IKZF2: variants seen among roughly 807,000 people sequenced by gnomAD.
IKZF2 encodes IKAROS family zinc finger 2.
IKZF2 carries 15 observed loss-of-function variants against 49.2 expected under a neutral mutation model. That is an observed-to-expected ratio of 0.30 (90% confidence interval 0.20 to 0.47). IKZF2 has a LOEUF of 0.47. Ranked by LOEUF, IKZF2 falls within the 20% of genes least tolerant of loss-of-function variation. IKZF2 has a pLI of 1.00. For synonymous variants in IKZF2, 227 were observed against 221.4 expected, an observed-to-expected ratio of 1.03 and a Z score of -0.23; for missense variants, 567 against 664.6, an observed-to-expected ratio of 0.85 and a Z score of 1.61.
intron 6 of IKZF2, among the ~76,000 whole-genome samples, chr2:213,040,469 T>C (rs527431046): frequency 6.6e-6 from 1 of 152,182 alleles, no homozygotes; most frequent in South Asian, 2.1e-4. Context: ...ATATTAAAAT[T>C]ATACACTCTT....
chr2:213,033,446 C>A (rs1174996240), intron 6 of IKZF2, among the ~76,000 whole-genome samples: 1 of 152,166 alleles, frequency 6.6e-6, no homozygotes, highest in Non-Finnish European at 1.5e-5. Flanking sequence ...GTCTATGGCA[C>A]CTCTAGCCTT....
At position 213,006,618 on chromosome 2, in the gene IKZF2, AG is replaced by A. The variant is rs1251810827; in HGVS notation, c.*741del. ...CTATTCCTTAAAGGTGTTAAAAGTA[AG>A]GCTGCCAGGGTGTCTATAAAATGCC... On this transcript the variant is annotated 3_prime_UTR_variant, in exon 9 of 9. Transcript: ENST00000434687. 6.6e-6 allele frequency: 1 copy of A among 152,406 alleles called. No individual in the cohort carries two copies. The highest frequency in any genetic ancestry group is 1.5e-5 in the Non-Finnish European group (1 of 68,002). The allele number at this position is 152,406 out of a possible 1,614,324, so 9.4% of individuals were successfully genotyped here. A position where few individuals can be genotyped will look rare whatever the true frequency, so the allele number is the denominator to read the frequency against.
chr2:213,068,298 G>A (rs190903997), intron 4 of IKZF2, among the ~76,000 whole-genome samples: 211 of 152,082 alleles, frequency 1.4e-3, no homozygotes, highest in African/African-American at 4.9e-3. Context: ...TATACAAACT[G>A]GGTTTTATTT....
At chr2:213,094,851 T>C (rs1574826203) in intron 4 of IKZF2, among the ~76,000 whole-genome samples, 1 of 152,030 alleles carries the variant, frequency 6.6e-6, no homozygotes, top group South Asian at 2.1e-4. Flanking sequence ...AGATACCAGA[T>C]GACAGACTAG....
Position 213,003,920 on chromosome 2 carries a change from C to T in IKZF2, c.*3440G>A, listed in dbSNP as rs1695111749. The T allele has an allele frequency of 6.6e-6, 1 of 151,758 alleles. No homozygotes were observed. Among genetic ancestry groups the T allele is most frequent in the African/African-American group, 2.4e-5 (1 of 41,402 alleles). The allele number at this position is 151,758 out of a possible 1,614,324, so 9.4% of individuals were successfully genotyped here. A position where few individuals can be genotyped will look rare whatever the true frequency, so the allele number is the denominator to read the frequency against. ...TGAATGTATATCCAATCAGCTTAAT[C>T]ATTGTTTGTTTCACTTTGTTCTGTA... On this transcript the variant is annotated 3_prime_UTR_variant, in exon 9 of 9. Coordinates refer to ENST00000434687, the MANE Select transcript of IKZF2 (RefSeq NM_001387220.1).
intron 7 of IKZF2, among the ~76,000 whole-genome samples, chr2:213,019,415 T>G (rs999777032): frequency 1.3e-5 from 2 of 152,204 alleles, no homozygotes; most frequent in Non-Finnish European, 2.9e-5. Context: ...ATGAGACGTA[T>G]GTTAATGATG....
rs1695067743 is a variant in IKZF2 at position 213,003,445 on chromosome 2, A to G, written c.*3915T>C. 6.6e-6 allele frequency: 1 copy of G among 151,706 alleles called. No individual in the cohort carries two copies. Among genetic ancestry groups the G allele is most frequent in the Non-Finnish European group, 1.5e-5 (1 of 67,728 alleles). The allele number at this position is 151,706 out of a possible 1,614,324, so 9.4% of individuals were successfully genotyped here. A position where few individuals can be genotyped will look rare whatever the true frequency, so the allele number is the denominator to read the frequency against. On this transcript the variant is annotated 3_prime_UTR_variant, in exon 9 of 9. Transcript: ENST00000434687. ...TAAAATAATACATAAAATGCAACTG[A>G]TGATAAACACAAATGTAATTTATCC...
At chr2:213,033,562 T>G in intron 6 of IKZF2, among the ~76,000 whole-genome samples, 1 of 152,232 alleles carries the variant, frequency 6.6e-6, no homozygotes, top group Admixed American at 6.5e-5. Flanking sequence ...AACATTAATC[T>G]GCTTGTACAT....
intron 6 of IKZF2, among the ~76,000 whole-genome samples, chr2:213,043,069 T>C (rs1699820073): frequency 1.3e-5 from 2 of 151,908 alleles, no homozygotes; most frequent in Non-Finnish European, 2.9e-5. Context: ...ATAACCTAAC[T>C]ACCAGGCCTA....
intron 5 of IKZF2, among the ~76,000 whole-genome samples, chr2:213,055,472 C>CA (rs748543120): frequency 6.6e-6 from 1 of 151,864 alleles, no homozygotes; most frequent in Non-Finnish European, 1.5e-5. Context: ...AACGAAAAAG[C>CA]AAAATGTAAT....
intron 6 of IKZF2, among the ~76,000 whole-genome samples, chr2:213,046,439 T>C (rs1223234035): frequency 6.6e-6 from 1 of 152,158 alleles, no homozygotes. Flanking sequence ...TGAAACAGTG[T>C]GGATCTGGTT....
At chr2:213,149,077 T>C (rs1027035105) in intron 2 of IKZF2, among the ~76,000 whole-genome samples, 3 of 152,182 alleles carry the variant, frequency 2.0e-5, no homozygotes, top group Non-Finnish European at 4.4e-5. Flanking sequence ...TGGTTCATCA[T>C]GTTCTAATAG....
intron 5 of IKZF2, among the ~76,000 whole-genome samples, chr2:213,055,865 T>G (rs1701101498): frequency 6.6e-6 from 1 of 152,138 alleles, no homozygotes; most frequent in Non-Finnish European, 1.5e-5. Flanking sequence ...TTAAATAAAT[T>G]TATTGTGATT....
intron 4 of IKZF2, among the ~76,000 whole-genome samples, chr2:213,135,967 T>C (rs971444407): frequency 1.3e-5 from 2 of 150,920 alleles, no homozygotes; most frequent in Non-Finnish European, 3.0e-5. Context: ...GGAGAATTGC[T>C]TGAACCCAGG....
At chr2:213,024,759 C>T (rs1697627151) in intron 6 of IKZF2, among the ~76,000 whole-genome samples, 1 of 152,002 alleles carries the variant, frequency 6.6e-6, no homozygotes, top group Non-Finnish European at 1.5e-5. Context: ...GCCAACAATC[C>T]CTGCAAATTC....
intron 2 of IKZF2, 94 bp downstream of exon 2, chr2:213,150,050 A>G (rs1186382764): frequency 7.0e-6 from 4 of 574,936 alleles, no homozygotes. Context: ...GGGAGAAGCG[A>G]AAGAAGGCTG....
chr2:213,078,500 G>T (rs756578538), intron 4 of IKZF2, among the ~76,000 whole-genome samples: 2 of 152,174 alleles, frequency 1.3e-5, no homozygotes, highest in Non-Finnish European at 2.9e-5. Context: ...AGAATATGAA[G>T]TAGGTGCTAT....
chr2:213,039,010 T>A (rs1401050795), intron 6 of IKZF2, among the ~76,000 whole-genome samples: 1 of 152,098 alleles, frequency 6.6e-6, no homozygotes, highest in Non-Finnish European at 1.5e-5. Flanking sequence ...GGTAATTTTT[T>A]TTTTTTATTT....
chr2:213,082,839 A>G (rs1704095173), intron 4 of IKZF2, among the ~76,000 whole-genome samples: 1 of 152,210 alleles, frequency 6.6e-6, no homozygotes, highest in Non-Finnish European at 1.5e-5. Flanking sequence ...TATTACATCC[A>G]TAAACACTGG....
Sources: gnomAD v4.1 joint callset for allele counts (sites outside exome capture counted in the v4.1 genomes callset) on GRCh38, gnomAD v4.1.1 for gene constraint, MANE v1.5 for transcripts, NCBI Gene and HGNC (gene_info 2026-07-23, HGNC 2026-07-21) for gene names.